Variants in CRPPA observed in about 807,000 individuals in gnomAD.
CRPPA encodes D-ribitol-5-phosphate cytidylyltransferase.
In CRPPA, 43 loss-of-function variants were observed where a neutral mutation model predicts 52.0. That is an observed-to-expected ratio of 0.83 (90% CI 0.65 to 1.07). CRPPA has a LOEUF of 1.07. CRPPA is among the 50% of genes least tolerant of loss of function. CRPPA has a pLI of 0.00. For synonymous variants in CRPPA, 250 were observed against 203.5 expected, an observed-to-expected ratio of 1.23 and a Z score of -1.94; for missense variants, 629 against 551.7, an observed-to-expected ratio of 1.14 and a Z score of -1.40.
intron 3 of CRPPA, among the ~76,000 whole-genome samples, chr7:16,331,938 T>C (rs1305621431): frequency 1.3e-5 from 2 of 152,326 alleles, no homozygotes; most frequent in East Asian, 3.9e-4. Flanking sequence ...CAGTGACTGA[T>C]AATTTCTCCA....
At chr7:16,164,599 G>A (rs532604863) in intron 9 of CRPPA, among the ~76,000 whole-genome samples, 4 of 151,976 alleles carry the variant, frequency 2.6e-5, no homozygotes, top group African/African-American at 9.7e-5. Context: ...TCTGGTTTTC[G>A]GACTTTTCAG....
intron 2 of CRPPA, among the ~76,000 whole-genome samples, chr7:16,394,972 C>T (rs1245138268): frequency 1.3e-5 from 2 of 152,136 alleles, no homozygotes; most frequent in East Asian, 3.8e-4. Context: ...TGTTCACAAA[C>T]AAACATGCAA....
At chr7:16,264,621 A>G (rs935063580) in intron 6 of CRPPA, among the ~76,000 whole-genome samples, 1 of 152,206 alleles carries the variant, frequency 6.6e-6, no homozygotes, top group Non-Finnish European at 1.5e-5. Context: ...TGAAAAGTCA[A>G]TCATCTTTTT....
chr7:16,389,920 A>ATATAT (rs1325768493), intron 2 of CRPPA, among the ~76,000 whole-genome samples: 6 of 65,024 alleles, frequency 9.2e-5, no homozygotes, highest in Admixed American at 5.2e-4. Flanking sequence ...ATACAAAAAA[A>ATATAT]AAAAAAAAAT....
chr7:16,221,140 A>T (rs1189520107), intron 8 of CRPPA, among the ~76,000 whole-genome samples: 1 of 152,176 alleles, frequency 6.6e-6, no homozygotes, highest in African/African-American at 2.4e-5. Flanking sequence ...AAATAACGCC[A>T]CATATCTACA....
chr7:16,257,737 A>C (rs1370367060), intron 8 of CRPPA, among the ~76,000 whole-genome samples: 1 of 152,002 alleles, frequency 6.6e-6, no homozygotes, highest in Non-Finnish European at 1.5e-5. Flanking sequence ...AATGCTACCA[A>C]CTATACATTC....
At chr7:16,137,565 A>C (rs1782785274) in intron 9 of CRPPA, among the ~76,000 whole-genome samples, 1 of 152,198 alleles carries the variant, frequency 6.6e-6, no homozygotes, top group African/African-American at 2.4e-5. Context: ...CATTCAAAGG[A>C]GGGTTGAATT....
At chr7:16,374,694 C>A (rs1317673706) in intron 3 of CRPPA, among the ~76,000 whole-genome samples, 2 of 152,132 alleles carry the variant, frequency 1.3e-5, no homozygotes, top group Non-Finnish European at 2.9e-5. Flanking sequence ...TATCCATATT[C>A]CCAGCCAAGG....
intron 3 of CRPPA, among the ~76,000 whole-genome samples, chr7:16,375,567 T>A (rs1373591280): frequency 6.6e-6 from 1 of 152,184 alleles, no homozygotes; most frequent in African/African-American, 2.4e-5. Context: ...AGACTGCTGT[T>A]CTTAAAAAGA....
chr7:16,394,172 A>G (rs1787513328), intron 2 of CRPPA, among the ~76,000 whole-genome samples: 1 of 152,260 alleles, frequency 6.6e-6, no homozygotes, highest in Non-Finnish European at 1.5e-5. Context: ...ATCCTTGCAC[A>G]TGGGCACAAG....
At chr7:16,412,910 T>C (rs1370101782) in intron 1 of CRPPA, among the ~76,000 whole-genome samples, 1 of 152,190 alleles carries the variant, frequency 6.6e-6, no homozygotes. Flanking sequence ...ATAACAAATA[T>C]TGCTTACAGG....
At chr7:16,204,867 T>A (rs796626621) in intron 9 of CRPPA, among the ~76,000 whole-genome samples, 2 of 152,234 alleles carry the variant, frequency 1.3e-5, no homozygotes, top group South Asian at 2.1e-4. Context: ...TAAGATTTTT[T>A]AAAAATCATA....
At chr7:16,165,794 G>A (rs1252865888) in intron 9 of CRPPA, among the ~76,000 whole-genome samples, 1 of 152,194 alleles carries the variant, frequency 6.6e-6, no homozygotes, top group Non-Finnish European at 1.5e-5. Flanking sequence ...ATAAAAAGGT[G>A]ACATAGCTTA....
chr7:16,236,142 G>A (rs1782944102), intron 8 of CRPPA, among the ~76,000 whole-genome samples: 1 of 152,084 alleles, frequency 6.6e-6, no homozygotes, highest in Non-Finnish European at 1.5e-5. Flanking sequence ...ATTTTTGATA[G>A]TTGAGGAAAC....
At chr7:16,154,017 A>T (rs1255192328) in intron 9 of CRPPA, among the ~76,000 whole-genome samples, 1 of 150,878 alleles carries the variant, frequency 6.6e-6, no homozygotes, top group Non-Finnish European at 1.5e-5. Context: ...TCATTGAACA[A>T]ATTGTTTGTA....
At chr7:16,282,737 T>G (rs771322494) in intron 5 of CRPPA, among the ~76,000 whole-genome samples, 2 of 152,002 alleles carry the variant, frequency 1.3e-5, no homozygotes, top group African/African-American at 2.4e-5. Context: ...GGATGTAGAT[T>G]CGAGGTAAAA....
At chr7:16,209,904 T>C (rs961473907) in intron 9 of CRPPA, among the ~76,000 whole-genome samples, 1 of 152,232 alleles carries the variant, frequency 6.6e-6, no homozygotes, top group African/African-American at 2.4e-5. Context: ...CTTAAAGCTA[T>C]GGCTGAAGAT....
At chr7:16,406,021 T>C (rs756319540) in intron 2 of CRPPA, 40 bp downstream of exon 2, 4 of 1,585,242 alleles carry the variant, frequency 2.5e-6, no homozygotes, top group Non-Finnish European at 3.4e-6. Context: ...CACACTACAG[T>C]GCTTGTCCCT....
At chr7:16,108,168 C>T (rs1782193898) in intron 9 of CRPPA, among the ~76,000 whole-genome samples, 1 of 151,886 alleles carries the variant, frequency 6.6e-6, no homozygotes, top group Admixed American at 6.6e-5. Flanking sequence ...GAATTGAATT[C>T]TCTGAGACAC....
Sources: gnomAD v4.1 joint callset for allele counts (sites outside exome capture counted in the v4.1 genomes callset) on GRCh38, gnomAD v4.1.1 for gene constraint, MANE v1.5 for transcripts, NCBI Gene and HGNC (gene_info 2026-07-23, HGNC 2026-07-21) for gene names.